Variants in MAP10 observed in about 807,000 individuals in gnomAD.
The protein encoded by MAP10 is microtubule associated protein 10, also known as microtubule-associated protein 10.
Under a neutral mutation model 6.3 loss-of-function variants are expected in MAP10, and 10 were observed. That is an observed-to-expected ratio of 1.58 (90% CI 0.98 to 2.69). The LOEUF is 2.69. Among genes scored for constraint, MAP10 ranks in the 30% most tolerant of loss-of-function variants. The pLI is 0.00. For missense variants in MAP10, 1,189 were observed against 1,086.5 expected (o/e 1.09, Z -1.33); for synonymous variants, 459 against 429.3 (o/e 1.07, Z -0.86).
rs1040888224 is a variant in MAP10, at chr1:232,809,178, T to G, written c.*1011T>G. The stretch of plus-strand genomic sequence containing the variant: ...TGTTTTTATGAAATCCAGTGATAAT[T>G]TATAATTTATTCCATTGGTTTTATA... On this transcript the variant is annotated 3_prime_UTR_variant, in exon 1 of 1. Transcript: ENST00000418460. 6.6e-6 allele frequency among the ~76,000 whole-genome samples: 1 copy of G among 152,124 alleles called. No homozygotes were observed. The highest frequency in any genetic ancestry group is 6.5e-5 in the Admixed American group (1 of 15,274).
Position 232,805,939 on chromosome 1 carries a change from C to T in MAP10, c.490C>T (p.Leu164=), listed in dbSNP as rs777251794. The change falls in exon 1 of 1, where the codon CTG becomes TTG. Residue 164 remains leucine, a synonymous_variant. Coordinates refer to ENST00000418460, the MANE Select transcript of MAP10 (RefSeq NM_019090.3). ...CSHRHRGRFP[L]HNRVGERTGD... is the part of the protein sequence containing the mutation. ...CCACCGTCACCGGGGACGTTTCCCC[C>T]TGCATAATCGAGTGGGCGAGCGGAC... 2 of 1,612,310 alleles carry T rather than the reference C, an allele frequency of 1.2e-6. No homozygotes were observed. Among genetic ancestry groups the T allele is most frequent in the South Asian group, 1.1e-5 (1 of 90,938 alleles).
rs899388563 is a variant in MAP10 at position 232,809,030 on chromosome 1, G to T, written c.*863G>T. Reference sequence around the variant, plus strand: ...TTTGCTTGGTATAAATAGCCTTCAGGTGTTCTCTGAAATATTTGGAAAGGG... The same window carrying T: ...TTTGCTTGGTATAAATAGCCTTCAGTTGTTCTCTGAAATATTTGGAAAGGG... On this transcript the variant is annotated 3_prime_UTR_variant, in exon 1 of 1. Transcript: ENST00000418460. 6.6e-6 allele frequency among the ~76,000 whole-genome samples: 1 copy of T among 152,052 alleles called. No homozygotes were observed. Among genetic ancestry groups the T allele is most frequent in the Non-Finnish European group, 1.5e-5 (1 of 67,942 alleles).
At position 232,805,781 on chromosome 1, in the gene MAP10, C is replaced by A. The variant is rs754289516; in HGVS notation, c.332C>A (p.Thr111Asn). ...ACCCTGCACTGCCGGCTCCTGCGGA[C>A]CCCGCTTGCCACCTTGCTGCTGCAG... ...PATLHCRLLR[T>N]PLATLLLQLP... Residue 111 changes from threonine (T) to asparagine (N), a missense_variant, in exon 1 of 1, where the codon ACC becomes AAC. Coordinates refer to ENST00000418460, the MANE Select transcript of MAP10 (RefSeq NM_019090.3). 4.4e-6 allele frequency: 7 copies of A among 1,598,788 alleles called. No homozygotes were observed. The East Asian group carries it at 1.3e-4, about 31-fold the overall frequency.
rs779147064 is a variant in MAP10 at position 232,807,359 on chromosome 1, G to A, written c.1910G>A (p.Gly637Glu). 2 of 1,613,882 alleles carry A rather than the reference G, an allele frequency of 1.2e-6. No homozygotes were observed. Among genetic ancestry groups the A allele is most frequent in the Admixed American group, 3.3e-5 (2 of 60,018 alleles). ...PERLTPTNIL[G>E]GNVEMKIQSP... ...AGGCTTACCCCTACAAATATTCTGG[G>A]AGGAAATGTGGAAATGAAAATCCAA... The change falls in exon 1 of 1, where the codon GGA (glycine) becomes GAA (glutamate). Residue 637 changes from glycine (G) to glutamate (E), a missense_variant. Transcript: ENST00000418460.
In MAP10 at chr1:232,806,281, A is replaced by G. The variant is rs1666100677; in HGVS notation, c.832A>G (p.Asn278Asp). ...TGTTGTTACATGTTCAGGTGCTGGC[A>G]ATGGGAGAAATGTTAGCTCCCTAAA... ...NSVVTCSGAG[N>D]GRNVSSLNEE... The change falls in exon 1 of 1, where the codon AAT (asparagine) becomes GAT (aspartate). Residue 278 changes from asparagine (N) to aspartate (D), a missense_variant. Asn to Asp is a conservative substitution (Grantham distance 23). Transcript: ENST00000418460. The G allele has an allele frequency of 6.2e-7, 1 of 1,613,886 alleles. No individual in the cohort carries two copies. The highest frequency in any genetic ancestry group is 1.3e-5 in the African/African-American group (1 of 74,936).
At position 232,809,447 on chromosome 1, in the gene MAP10, G is replaced by A. The variant is rs890423010; in HGVS notation, c.*1280G>A. 1.3e-5 allele frequency among the ~76,000 whole-genome samples: 2 copies of A among 151,976 alleles called. No individual in the cohort carries two copies. Among genetic ancestry groups the A allele is most frequent in the Non-Finnish European group, 2.9e-5 (2 of 67,904 alleles). ...TGGGGAGCAATATGAATAAAAGAGT[G>A]ATGGGAATGAGCCTGATATATTTAT... On this transcript the variant is annotated 3_prime_UTR_variant, in exon 1 of 1. Coordinates refer to ENST00000418460, the MANE Select transcript of MAP10 (RefSeq NM_019090.3).
In MAP10 at chr1:232,805,984, T is replaced by A; in HGVS notation, c.535T>A (p.Tyr179Asn). Residue 179 changes from tyrosine (Y) to asparagine (N), a missense_variant, in exon 1 of 1, where the codon TAC (tyrosine) becomes AAC (asparagine). Tyr to Asn is a moderately radical substitution (Grantham distance 143). Transcript: ENST00000418460. ...GCGGACTGGGGACATTGCACTGGCC[T>A]ACCGCCTGACTGACCTGGGAAGCCG... ...GERTGDIALA[Y>N]RLTDLGSRLL... is the part of the protein sequence containing the mutation. 1 of 1,613,608 alleles carries A rather than the reference T, an allele frequency of 6.2e-7. No individual in the cohort carries two copies. The highest frequency in any genetic ancestry group is 8.5e-7 in the Non-Finnish European group (1 of 1,179,842).
chr1:232,807,095 C>G lies in MAP10; in HGVS notation c.1646C>G (p.Ala549Gly). Residue 549 changes from alanine to glycine, a missense_variant, in exon 1 of 1, where the codon GCA becomes GGA. Ala to Gly is a moderately conservative substitution (Grantham distance 60). Transcript: ENST00000418460. ...PSSKVKLLSSAEQSQKPQLPE... is the reference protein window; with the variant it reads ...PSSKVKLLSSGEQSQKPQLPE... ...TCCAAAGTTAAACTATTAAGCTCTG[C>G]AGAACAAAGTCAGAAGCCACAACTG... 1 of 1,611,896 alleles carries G rather than the reference C, an allele frequency of 6.2e-7. No individual in the cohort carries two copies.
In MAP10 at chr1:232,806,147, C is replaced by G; in HGVS notation, c.698C>G (p.Pro233Arg). 2 of 1,613,938 alleles carry G rather than the reference C, an allele frequency of 1.2e-6. No individual in the cohort carries two copies. Among genetic ancestry groups the G allele is most frequent in the Non-Finnish European group, 1.7e-6 (2 of 1,179,880 alleles). Residue 233 changes from proline to arginine, a missense_variant, in exon 1 of 1, where the codon CCG (proline) becomes CGG (arginine). Pro to Arg is a moderately radical substitution (Grantham distance 103, BLOSUM62 -2). Transcript: ENST00000418460. ...SQPSPKEADK[P>R]LGELEIPEAQ... ...CCAAGCCCAAAAGAGGCTGATAAGC[C>G]GCTGGGGGAGTTAGAAATCCCAGAG...
chr1:232,807,809 G>A lies in MAP10; in HGVS notation c.2360G>A (p.Ser787Asn). 6.2e-7 allele frequency: 1 copy of A among 1,613,464 alleles called. No homozygotes were observed. The highest frequency in any genetic ancestry group is 8.5e-7 in the Non-Finnish European group (1 of 1,179,740). The change falls in exon 1 of 1, where the codon AGT (serine) becomes AAT (asparagine). Residue 787 changes from serine to asparagine, a missense_variant. Physicochemically the swap from Ser to Asn is conservative, Grantham distance 46. Coordinates refer to ENST00000418460, the MANE Select transcript of MAP10 (RefSeq NM_019090.3). ...KFHISKTQDK[S>N]LEEASSISAS... ...CATATTTCAAAGACTCAGGATAAAA[G>A]TTTGGAGGAAGCATCTAGTATCTCT...
chr1:232,805,669 G>A lies in MAP10; in HGVS notation c.220G>A (p.Gly74Ser), dbSNP rs771763362. 7.5e-6 allele frequency: 12 copies of A among 1,599,036 alleles called. No homozygotes were observed. Among genetic ancestry groups the A allele is most frequent in the Non-Finnish European group, 9.3e-6 (11 of 1,176,584 alleles). ...FPTLLVYPPD[G>S]PGAPAAEPWP... is the part of the protein sequence containing the mutation. ...CACGCTGTTGGTTTACCCTCCTGAC[G>A]GCCCCGGCGCTCCCGCCGCCGAACC... Residue 74 changes from glycine (G) to serine (S), a missense_variant, in exon 1 of 1, where the codon GGC becomes AGC. By Grantham distance (56) the Gly-to-Ser change is moderately conservative. Coordinates refer to ENST00000418460, the MANE Select transcript of MAP10 (RefSeq NM_019090.3).
Position 232,805,935 on chromosome 1 carries a change from C to A in MAP10, c.486C>A (p.Phe162Leu), listed in dbSNP as rs537946100. 267 of 1,611,904 alleles carry A rather than the reference C, an allele frequency of 1.7e-4. 1 individual carries two copies. In the South Asian group the frequency reaches 2.8e-3, roughly 17 times the overall value. Residue 162 changes from phenylalanine to leucine, a missense_variant, in exon 1 of 1, where the codon TTC becomes TTA. Transcript: ENST00000418460. ...SGCSHRHRGR[F>L]PLHNRVGERT... Reference sequence around the variant, plus strand: ...GCTCCCACCGTCACCGGGGACGTTTCCCCCTGCATAATCGAGTGGGCGAGC... The same window carrying A: ...GCTCCCACCGTCACCGGGGACGTTTACCCCTGCATAATCGAGTGGGCGAGC...
rs1158441460 is a variant in MAP10 at position 232,806,181 on chromosome 1, G to A, written c.732G>A (p.Lys244=). The part of the protein sequence containing the change: ...LGELEIPEAQ[K]DLKEMVKSKA... Reference sequence around the variant, plus strand: ...AGTTAGAAATCCCAGAGGCACAGAAGGATTTGAAGGAAATGGTTAAAAGTA... The same window carrying A: ...AGTTAGAAATCCCAGAGGCACAGAAAGATTTGAAGGAAATGGTTAAAAGTA... Residue 244 remains lysine (K), a synonymous_variant, in exon 1 of 1, where the codon AAG becomes AAA. Coordinates refer to ENST00000418460, the MANE Select transcript of MAP10 (RefSeq NM_019090.3). 1.2e-6 allele frequency: 2 copies of A among 1,613,994 alleles called. No homozygotes were observed. Among genetic ancestry groups the A allele is most frequent in the Non-Finnish European group, 8.5e-7 (1 of 1,179,900 alleles).
chr1:232,808,499 C>G lies in MAP10; in HGVS notation c.*332C>G, dbSNP rs1320278535. ...GAAAAAGAAGGCTAGTTAGTAAGGA[C>G]AGCCTCAAATTTTAATTGGAACAAA... On this transcript the variant is annotated 3_prime_UTR_variant, in exon 1 of 1. Coordinates refer to ENST00000418460, the MANE Select transcript of MAP10 (RefSeq NM_019090.3). 1 of 186,642 alleles carries G rather than the reference C, an allele frequency of 5.4e-6. No individual in the cohort carries two copies. Among genetic ancestry groups the G allele is most frequent in the African/African-American group, 2.4e-5 (1 of 42,312 alleles). 11.6% of individuals were successfully genotyped at this position (186,642 alleles called of 1,614,324 possible).
rs939111741 is a variant in MAP10 at position 232,808,927 on chromosome 1, A to G, written c.*760A>G. Among the ~76,000 whole-genome samples the G allele has an allele frequency of 2.0e-5, 3 of 152,160 alleles. No individual in the cohort carries two copies. Among genetic ancestry groups the G allele is most frequent in the African/African-American group, 7.2e-5 (3 of 41,470 alleles). On this transcript the variant is annotated 3_prime_UTR_variant, in exon 1 of 1. Transcript: ENST00000418460. ...CTAATGGGAGGGTTTAGAATTAAGC[A>G]GCAAAAATAAGCAGATTCCCTAAAA...
In MAP10 at chr1:232,808,115, G is replaced by A. The variant is rs764554908; in HGVS notation, c.2666G>A (p.Cys889Tyr). Residue 889 changes from cysteine to tyrosine, a missense_variant, in exon 1 of 1, where the codon TGC (cysteine) becomes TAC (tyrosine). By Grantham distance (194) the Cys-to-Tyr change is radical. Coordinates refer to ENST00000418460, the MANE Select transcript of MAP10 (RefSeq NM_019090.3). ...DVGSLNISKQ[C>Y]KDICELVINK... ...GGTTCACTAAATATTTCCAAGCAAT[G>A]CAAAGATATTTGTGAATTAGTAATA... The A allele has an allele frequency of 3.8e-6, 6 of 1,587,646 alleles. No individual in the cohort carries two copies. In the East Asian group the frequency reaches 6.8e-5, roughly 18 times the overall value.
rs1410218311 is a variant in MAP10, at chr1:232,806,169, A to G, written c.720A>G (p.Pro240=). Residue 240 remains proline (P), a synonymous_variant, in exon 1 of 1, where the codon CCA becomes CCG. Transcript: ENST00000418460. ...ADKPLGELEI[P]EAQKDLKEMV... ...AGCCGCTGGGGGAGTTAGAAATCCC[A>G]GAGGCACAGAAGGATTTGAAGGAAA... The G allele has an allele frequency of 6.2e-7, 1 of 1,614,064 alleles. No homozygotes were observed. The highest frequency in any genetic ancestry group is 1.1e-5 in the South Asian group (1 of 91,092).
At position 232,807,449 on chromosome 1, in the gene MAP10, G is replaced by A. The variant is rs1335518740; in HGVS notation, c.2000G>A (p.Arg667Lys). 6 of 1,613,698 alleles carry A rather than the reference G, an allele frequency of 3.7e-6. No homozygotes were observed. Among genetic ancestry groups the A allele is most frequent in the Non-Finnish European group, 5.1e-6 (6 of 1,179,770 alleles). Reference protein sequence around the residue: ...DRIVDKEIDIRQVKTTDNDIL... With the variant: ...DRIVDKEIDIKQVKTTDNDIL... ...ATTGTAGATAAGGAAATAGATATTA[G>A]ACAGGTCAAAACCACAGATAATGAC... The change falls in exon 1 of 1, where the codon AGA becomes AAA. Residue 667 changes from arginine (R) to lysine (K), a missense_variant. Coordinates refer to ENST00000418460, the MANE Select transcript of MAP10 (RefSeq NM_019090.3).
At position 232,805,601 on chromosome 1, in the gene MAP10, G is replaced by C; in HGVS notation, c.152G>C (p.Arg51Pro). ...GAGCAGGGGGAGGCCTCGTCGCCGC[G>C]CGGTCTGTGCCCCGCCGTGGCCTTC... The part of the protein sequence containing the change: ...EKEQGEASSP[R>P]GLCPAVAFRL... The change falls in exon 1 of 1, where the codon CGC becomes CCC. Residue 51 changes from arginine to proline, a missense_variant. Physicochemically the swap from Arg to Pro is moderately radical, Grantham distance 103. Coordinates refer to ENST00000418460, the MANE Select transcript of MAP10 (RefSeq NM_019090.3). 1 of 1,559,334 alleles carries C rather than the reference G, an allele frequency of 6.4e-7. No homozygotes were observed. Among genetic ancestry groups the C allele is most frequent in the East Asian group, 2.4e-5 (1 of 41,654 alleles).
Sources: allele counts gnomAD v4.1 joint callset (sites outside exome capture counted in the v4.1 genomes callset), GRCh38; gene constraint gnomAD v4.1.1; transcripts MANE v1.5; gene names NCBI Gene and HGNC (gene_info 2026-07-23, HGNC 2026-07-21).